Variants in GNA14 observed in about 807,000 individuals in gnomAD.
GNA14 encodes G protein subunit alpha 14, also known as guanine nucleotide-binding protein subunit alpha-14.
Under a neutral mutation model 42.0 loss-of-function variants are expected in GNA14, and 50 were observed. The ratio of observed to expected loss-of-function variants is 1.19; its 90% CI spans 0.95 to 1.51. The LOEUF is 1.51. Ranked by LOEUF, GNA14 falls within the 40% of genes most tolerant of loss-of-function variation. The pLI is 0.00. For synonymous variants in GNA14, 173 were observed against 163.1 expected, an observed-to-expected ratio of 1.06 and a Z score of -0.46; for missense variants, 473 against 446.2, an observed-to-expected ratio of 1.06 and a Z score of -0.54.
rs118001564 is a variant in GNA14, at chr9:77,644,732, A to C, written c.124+2938T>G. On this transcript the variant is annotated intron_variant, in intron 1 of 6. Coordinates refer to ENST00000341700, the MANE Select transcript of GNA14 (RefSeq NM_004297.4). ...ATTCCTCTTCCTTCCAGAGAGCTCC[A>C]AGGTAAGGTCTGCATCCAGAATTAA... 4.7e-3 allele frequency among the ~76,000 whole-genome samples: 718 copies of C among 152,310 alleles called. 8 individuals carry two copies. The highest frequency in any genetic ancestry group is 0.014 in the South Asian group (68 of 4,816).
intron 2 of GNA14, among the ~76,000 whole-genome samples, chr9:77,493,116 G>A (rs1484793813): frequency 6.7e-6 from 1 of 149,694 alleles, no homozygotes; most frequent in African/African-American, 2.5e-5. Flanking sequence ...CAGTGGTGGT[G>A]TGGGTATGGG....
chr9:77,549,683 A>G (rs975372990), intron 1 of GNA14, among the ~76,000 whole-genome samples: 20 of 152,128 alleles, frequency 1.3e-4, no homozygotes, highest in Non-Finnish European at 2.6e-4. Flanking sequence ...AATGTCCTAC[A>G]ATGGCTCTCC....
chr9:77,575,231 T>C (rs62573427), intron 1 of GNA14, among the ~76,000 whole-genome samples: 4,023 of 152,154 alleles, frequency 0.026, 112 homozygotes, highest in African/African-American at 0.071. Context: ...AAACTAGACA[T>C]TATTAGCCGA....
intron 2 of GNA14, among the ~76,000 whole-genome samples, chr9:77,489,648 G>C (rs1450331044): frequency 6.6e-6 from 1 of 152,062 alleles, no homozygotes; most frequent in Non-Finnish European, 1.5e-5. Context: ...CTTCCTTCTG[G>C]TGGGTTTGTG....
chr9:77,546,215 CAA>C (rs764378681), intron 1 of GNA14, among the ~76,000 whole-genome samples: 2,618 of 42,724 alleles, frequency 0.061, 42 homozygotes, highest in African/African-American at 0.16. Flanking sequence ...AGCTCCATCT[CAA>C]AAAAAAAAAA....
At position 77,647,713 on chromosome 9, in the gene GNA14, C is replaced by G; in HGVS notation, c.81G>C (p.Arg27=). 1 of 1,610,286 alleles carries G rather than the reference C, an allele frequency of 6.2e-7. No individual in the cohort carries two copies. The highest frequency in any genetic ancestry group is 8.5e-7 in the Non-Finnish European group (1 of 1,178,668). The change falls in exon 1 of 7, where the codon CGG becomes CGC. Residue 27 remains arginine (R), a synonymous_variant. Transcript: ENST00000341700. ...GCTCACGGCGCGCGTCCTTCTTGTC[C>G]CGACGAAGCTGTCGCTCGATCTCCG... ...ISAEIERQLR[R]DKKDARRELK...
At chr9:77,476,580 C>T (rs745366762) in intron 2 of GNA14, among the ~76,000 whole-genome samples, 1 of 152,194 alleles carries the variant, frequency 6.6e-6, no homozygotes, top group Admixed American at 6.5e-5. Context: ...GCCATACTGC[C>T]TCTTACAACT....
At chr9:77,631,369 T>C (rs1824097538) in intron 1 of GNA14, among the ~76,000 whole-genome samples, 1 of 151,634 alleles carries the variant, frequency 6.6e-6, no homozygotes, top group Non-Finnish European at 1.5e-5. Context: ...AGTATTTAGC[T>C]GGGTATCCAT....
At chr9:77,520,219 A>G (rs1218217884) in intron 2 of GNA14, among the ~76,000 whole-genome samples, 1 of 152,194 alleles carries the variant, frequency 6.6e-6, no homozygotes, top group African/African-American at 2.4e-5. Flanking sequence ...CTAATACCAG[A>G]TGAACACCTG....
At chr9:77,439,664 A>G (rs994914582) in intron 2 of GNA14, among the ~76,000 whole-genome samples, 1 of 152,094 alleles carries the variant, frequency 6.6e-6, no homozygotes, top group Non-Finnish European at 1.5e-5. Flanking sequence ...TGATGACCCA[A>G]AAGAGTGGAG....
chr9:77,568,115 A>T (rs1204729104), intron 1 of GNA14, among the ~76,000 whole-genome samples: 2 of 152,126 alleles, frequency 1.3e-5, no homozygotes, highest in Non-Finnish European at 1.5e-5. Context: ...CAGCTCCCAG[A>T]GCAGGTCCTG....
chr9:77,633,319 AG>A (rs1418405829), intron 1 of GNA14, among the ~76,000 whole-genome samples: 1 of 152,118 alleles, frequency 6.6e-6, no homozygotes, highest in Non-Finnish European at 1.5e-5. Flanking sequence ...AGCAGAAAAG[AG>A]TGTTGTAGGC....
At chr9:77,645,398 C>A (rs1824337035) in intron 1 of GNA14, among the ~76,000 whole-genome samples, 16 of 152,198 alleles carry the variant, frequency 1.1e-4, no homozygotes, top group Admixed American at 1.0e-3. Context: ...TGGAGCTATG[C>A]CCCAGGACTT....
At chr9:77,539,966 T>C (rs1454649089) in intron 1 of GNA14, among the ~76,000 whole-genome samples, 2 of 152,240 alleles carry the variant, frequency 1.3e-5, no homozygotes, top group East Asian at 1.9e-4. Flanking sequence ...TCTTTTGTAC[T>C]TTTTTTAGTC....
At chr9:77,451,729 G>A (rs564964809) in intron 2 of GNA14, among the ~76,000 whole-genome samples, 1 of 152,346 alleles carries the variant, frequency 6.6e-6, no homozygotes, top group Non-Finnish European at 1.5e-5. Flanking sequence ...CCAACGTGCA[G>A]CAAAGCTGCT....
At chr9:77,507,916 T>G (rs1417576451) in intron 2 of GNA14, among the ~76,000 whole-genome samples, 1 of 152,140 alleles carries the variant, frequency 6.6e-6, no homozygotes, top group South Asian at 2.1e-4. Flanking sequence ...GAAAGTGTTA[T>G]CATATTGGCC....
intron 1 of GNA14, among the ~76,000 whole-genome samples, chr9:77,562,308 A>G (rs1025535867): frequency 6.6e-6 from 1 of 152,230 alleles, no homozygotes; most frequent in Non-Finnish European, 1.5e-5. Context: ...CAACGTCTTA[A>G]CAGGGATGGA....
intron 1 of GNA14, among the ~76,000 whole-genome samples, chr9:77,572,320 A>T (rs1385568212): frequency 6.6e-6 from 1 of 152,248 alleles, no homozygotes; most frequent in African/African-American, 2.4e-5. Context: ...GGAATTATGT[A>T]GACTGAGAAA....
chr9:77,595,227 T>C (rs1823445592), intron 1 of GNA14, among the ~76,000 whole-genome samples: 1 of 152,050 alleles, frequency 6.6e-6, no homozygotes, highest in Admixed American at 6.5e-5. Flanking sequence ...TGAATATTTG[T>C]TAAGTTAATG....
Sources: gnomAD v4.1 joint callset for allele counts (sites outside exome capture counted in the v4.1 genomes callset) on GRCh38, gnomAD v4.1.1 for gene constraint, MANE v1.5 for transcripts, NCBI Gene and HGNC (gene_info 2026-07-23, HGNC 2026-07-21) for gene names.